ZDHHC11: variants seen among roughly 807,000 people sequenced by gnomAD.
The protein encoded by ZDHHC11 is palmitoyltransferase ZDHHC11.
In ZDHHC11, 44 loss-of-function variants were observed where a neutral mutation model predicts 51.3. The observed-to-expected ratio is 0.86, with a 90% CI of 0.67 to 1.10. The LOEUF is 1.10. Ranked by LOEUF, ZDHHC11 falls within the 50% of genes least tolerant of loss-of-function variation. ZDHHC11 has a pLI of 0.00. For missense variants in ZDHHC11, 400 were observed against 537.7 expected, an observed-to-expected ratio of 0.74 and a Z score of 2.53; for synonymous variants, 163 against 222.0, an observed-to-expected ratio of 0.73 and a Z score of 2.36.
At chr5:818,754 G>T (rs527385856) in intron 10 of ZDHHC11, among the ~76,000 whole-genome samples, 1 of 151,502 alleles carries the variant, frequency 6.6e-6, no homozygotes, top group African/African-American at 2.4e-5. Context: ...TCAGCTACTC[G>T]GGAGGCTGAG....
chr5:846,343 T>C (rs1746153720), intron 3 of ZDHHC11, among the ~76,000 whole-genome samples: 1 of 151,094 alleles, frequency 6.6e-6, no homozygotes, highest in African/African-American at 2.4e-5. Flanking sequence ...ACAGAGTAGC[T>C]GGGGAGCAGG....
At chr5:801,023 T>G (rs1259516785) in intron 12 of ZDHHC11, 77 bp downstream of exon 12, 1 of 1,567,218 alleles carries the variant, frequency 6.4e-7, no homozygotes. Context: ...TGGTGATTTT[T>G]TAAAGAAGAT....
intron 3 of ZDHHC11, among the ~76,000 whole-genome samples, chr5:845,667 C>T (rs369471747): frequency 0.077 from 11,491 of 148,434 alleles, 428 homozygotes; most frequent in African/African-American, 0.25. Context: ...ATCAGCTCGG[C>T]CTCCCTCGCG....
intron 3 of ZDHHC11, among the ~76,000 whole-genome samples, chr5:846,717 C>T (rs1247835432): frequency 1.4e-5 from 2 of 147,920 alleles, no homozygotes; most frequent in African/African-American, 5.1e-5. Context: ...CTTGAGCCTC[C>T]ACCATGCTCA....
chr5:859,509 G>T (rs867035314), upstream of ZDHHC11, among the ~76,000 whole-genome samples: 31 of 152,242 alleles, frequency 2.0e-4, no homozygotes, highest in Middle Eastern at 6.8e-3. Flanking sequence ...GGAAGACTGC[G>T]ACCCCAGAGT....
chr5:825,757 A>T (rs1742276830), intron 7 of ZDHHC11, among the ~76,000 whole-genome samples: 1 of 152,274 alleles, frequency 6.6e-6, no homozygotes, highest in African/African-American at 2.4e-5. Context: ...TGCTGTCTCA[A>T]AAGTGCCACC....
At chr5:852,591 G>A (rs1346877101), upstream of ZDHHC11, among the ~76,000 whole-genome samples, 1 of 151,430 alleles carries the variant, frequency 6.6e-6, no homozygotes, top group Non-Finnish European at 1.5e-5. Context: ...AGCGGGGACA[G>A]ACGCCACGGA....
chr5:802,871 A>AAAAAAAAAAAAAAAAAAAAAAAAAAAC (rs1561228376), intron 11 of ZDHHC11, among the ~76,000 whole-genome samples: 1 of 114,246 alleles, frequency 8.8e-6, no homozygotes, highest in African/African-American at 3.8e-5. Context: ...AAAAAAAAAA[A>AAAAAAAAAAAAAAAAAAAAAAAAAAAC]AAAGCTAAAT....
chr5:817,321 G>C (rs1740935457), intron 10 of ZDHHC11, among the ~76,000 whole-genome samples: 1 of 151,444 alleles, frequency 6.6e-6, no homozygotes, highest in Non-Finnish European at 1.5e-5. Context: ...AGCATTTTAA[G>C]ATTCAATTTT....
At chr5:855,014 C>T (rs1747954339), upstream of ZDHHC11, among the ~76,000 whole-genome samples, 1 of 144,090 alleles carries the variant, frequency 6.9e-6, no homozygotes, top group Admixed American at 7.0e-5. Flanking sequence ...CCACAGAGGA[C>T]AGTGAGCCAG....
intron 11 of ZDHHC11, among the ~76,000 whole-genome samples, chr5:813,879 G>C (rs1740422191): frequency 6.7e-6 from 1 of 149,648 alleles, no homozygotes; most frequent in Non-Finnish European, 1.5e-5. Flanking sequence ...GTGTGCGAGT[G>C]TGTGTGTGTG....
intron 4 of ZDHHC11, 87 bp from the exon 5 acceptor site, chr5:840,737 G>C: frequency 1.3e-6 from 2 of 1,591,802 alleles, no homozygotes; most frequent in South Asian, 2.3e-5. Context: ...GCGTGCTGGG[G>C]ATGGGGCGGT....
intron 11 of ZDHHC11, among the ~76,000 whole-genome samples, chr5:802,228 T>C (rs1738526774): frequency 6.6e-6 from 1 of 151,172 alleles, no homozygotes; most frequent in Non-Finnish European, 1.5e-5. Flanking sequence ...TGGGAGTGTC[T>C]GCCACCAGAT....
upstream of ZDHHC11, among the ~76,000 whole-genome samples, chr5:853,315 G>A (rs867000286): frequency 4.7e-4 from 67 of 141,382 alleles, no homozygotes; most frequent in Admixed American, 3.4e-3. Context: ...CGAGGACAGC[G>A]AGTCGGGCAC....
At chr5:804,554 C>T (rs1418612141) in intron 11 of ZDHHC11, among the ~76,000 whole-genome samples, 2 of 151,268 alleles carry the variant, frequency 1.3e-5, no homozygotes, top group African/African-American at 2.4e-5. Flanking sequence ...AGACACATTA[C>T]AGTTAGATTG....
intron 11 of ZDHHC11, among the ~76,000 whole-genome samples, chr5:812,042 ATTAC>A (rs1309288696): frequency 7.1e-6 from 1 of 141,792 alleles, no homozygotes; most frequent in African/African-American, 2.8e-5. Context: ...GGTGGTAACC[ATTAC>A]TTAAGTCTTC....
chr5:798,186 T>C (rs1405166310), intron 12 of ZDHHC11, among the ~76,000 whole-genome samples: 1 of 150,846 alleles, frequency 6.6e-6, no homozygotes, highest in Non-Finnish European at 1.5e-5. Flanking sequence ...ATTTTGGCTG[T>C]GCTCTCAGCT....
rs1419969620 is a variant in ZDHHC11 at position 825,054 on chromosome 5, A to G, written c.1023+110T>C. 3.6e-6 allele frequency: 4 copies of G among 1,103,986 alleles called. No individual in the cohort carries two copies. In the Admixed American group the frequency reaches 7.3e-5, roughly 20 times the overall value. 68.4% of individuals were successfully genotyped at this position (1,103,986 alleles called of 1,614,324 possible). A position where few individuals can be genotyped will look rare whatever the true frequency, so the allele number is the denominator to read the frequency against. On this transcript the variant is annotated intron_variant, in intron 8 of 12. Transcript: ENST00000283441. The stretch of plus-strand genomic sequence containing the variant: ...CCATGTGAGCAGCACCATTGGACAC[A>G]GAGTGCTTCCATTCTGAATACTGCC...
rs191807725 is a variant in ZDHHC11 at position 835,420 on chromosome 5, C to T, written c.901-1613G>A. Reference sequence around the variant, plus strand: ...TCCATTTCTCTATATCTGTCTCTGTCGGTGCCACACTGTTTTTATTACTGT... The same window carrying T: ...TCCATTTCTCTATATCTGTCTCTGTTGGTGCCACACTGTTTTTATTACTGT... On this transcript the variant is annotated intron_variant, in intron 6 of 12. Coordinates refer to ENST00000283441, the MANE Select transcript of ZDHHC11 (RefSeq NM_024786.3). Among the ~76,000 whole-genome samples, 25 of 151,872 alleles carry T rather than the reference C, an allele frequency of 1.6e-4. 1 individual carries two copies. The highest frequency in any genetic ancestry group is 3.4e-3 in the Middle Eastern group (1 of 292).
Sources: gnomAD v4.1 joint callset for allele counts (sites outside exome capture counted in the v4.1 genomes callset) on GRCh38, gnomAD v4.1.1 for gene constraint, MANE v1.5 for transcripts, NCBI Gene and HGNC (gene_info 2026-07-23, HGNC 2026-07-21) for gene names.